The following PRKAG2 variants were observed in gnomAD, a reference collection of about 807,000 sequenced individuals.
PRKAG2 encodes 5'-AMP-activated protein kinase subunit gamma-2.
A neutral mutation model predicts 69.6 loss-of-function variants in PRKAG2; 26 were observed. That is an observed-to-expected ratio of 0.37 (90% CI 0.27 to 0.52). The LOEUF (loss-of-function observed/expected upper bound fraction) is 0.52. Among genes scored for constraint, PRKAG2 ranks in the 20% least tolerant of loss-of-function variants. The pLI, the probability that PRKAG2 is intolerant of heterozygous loss-of-function variation, is 0.90. For missense variants in PRKAG2, 557 were observed against 740.0 expected, an observed-to-expected ratio of 0.75 and a Z score of 2.87; for synonymous variants, 293 against 285.0, an observed-to-expected ratio of 1.03 and a Z score of -0.28.
At chr7:151,871,226 T>C (rs568482561) in intron 1 of PRKAG2, among the ~76,000 whole-genome samples, 2 of 152,368 alleles carry the variant, frequency 1.3e-5, no homozygotes, top group East Asian at 1.9e-4. Context: ...AAGAGCACGC[T>C]TGCTACCAAA....
intron 5 of PRKAG2, among the ~76,000 whole-genome samples, chr7:151,612,539 C>T (rs144026203): frequency 9.5e-4 from 144 of 152,306 alleles, no homozygotes; most frequent in Middle Eastern, 3.4e-3. Flanking sequence ...GGGGAACCCC[C>T]TGCTTCCACC....
intron 1 of PRKAG2, among the ~76,000 whole-genome samples, chr7:151,818,987 C>T (rs1455529806): frequency 6.6e-6 from 1 of 152,248 alleles, no homozygotes; most frequent in Non-Finnish European, 1.5e-5. Flanking sequence ...GAGGGCTGCT[C>T]TGCGCCGTGA....
intron 1 of PRKAG2, among the ~76,000 whole-genome samples, chr7:151,873,992 T>C (rs1471307684): frequency 6.7e-6 from 1 of 148,858 alleles, no homozygotes; most frequent in African/African-American, 2.6e-5. Flanking sequence ...TATGTATATG[T>C]ATATGATGTA....
At chr7:151,745,914 C>T (rs1231632801) in intron 3 of PRKAG2, among the ~76,000 whole-genome samples, 1 of 152,176 alleles carries the variant, frequency 6.6e-6, no homozygotes, top group African/African-American at 2.4e-5. Flanking sequence ...AGGCCAAGAG[C>T]TCTGAGGGCT....
intron 3 of PRKAG2, among the ~76,000 whole-genome samples, chr7:151,774,279 A>G (rs898118376): frequency 3.2e-4 from 48 of 152,278 alleles, no homozygotes; most frequent in African/African-American, 1.0e-3. Context: ...AGATCCTTCC[A>G]GAAGAAAGGT....
chr7:151,855,290 C>CCA lies in PRKAG2; in HGVS notation c.114+21215_114+21216dup, dbSNP rs759155539. On this transcript the variant is annotated intron_variant, in intron 1 of 15. Coordinates refer to ENST00000287878, the MANE Select transcript of PRKAG2 (RefSeq NM_016203.4). ...CACCACCCTCCACACACACCACCCT[C>CCA]CACACACCACCCTCCACACACACCA... Among the ~76,000 whole-genome samples, 146 of 76,170 alleles carry CCA rather than the reference C, an allele frequency of 1.9e-3. 5 individuals are homozygous for CCA. Among genetic ancestry groups the CCA allele is most frequent in the Non-Finnish European group, 2.5e-3 (96 of 37,704 alleles). The allele number at this position is 76,170 out of a possible 152,430, so 50.0% of individuals were successfully genotyped here.
intron 5 of PRKAG2, among the ~76,000 whole-genome samples, chr7:151,629,901 C>T (rs1188244589): frequency 6.6e-6 from 1 of 151,984 alleles, no homozygotes; most frequent in Non-Finnish European, 1.5e-5. Flanking sequence ...TTTGTCCCTG[C>T]TAAATAAGTG....
intron 1 of PRKAG2, among the ~76,000 whole-genome samples, chr7:151,822,956 G>A (rs75064047): frequency 0.069 from 10,502 of 152,168 alleles, 633 homozygotes; most frequent in East Asian, 0.24. Context: ...CTGAGTGGCC[G>A]CCAAGCCCGG....
intron 3 of PRKAG2, among the ~76,000 whole-genome samples, chr7:151,722,680 G>A (rs994174943): frequency 1.6e-4 from 25 of 152,086 alleles, no homozygotes; most frequent in African/African-American, 5.6e-4. Context: ...TGCGAGGTTC[G>A]TGTGCAAGGG....
chr7:151,731,242 C>T (rs540526912), intron 3 of PRKAG2, among the ~76,000 whole-genome samples: 22 of 152,330 alleles, frequency 1.4e-4, no homozygotes, highest in African/African-American at 4.8e-4. Context: ...TAGCCAAGCT[C>T]GTCACTTGTC....
intron 1 of PRKAG2, among the ~76,000 whole-genome samples, chr7:151,793,728 C>T (rs572701727): frequency 2.6e-4 from 39 of 152,344 alleles, no homozygotes; most frequent in African/African-American, 4.8e-4. Flanking sequence ...CTGGACAGGC[C>T]GGCCTTGCGC....
At chr7:151,755,839 C>T (rs531389143) in intron 3 of PRKAG2, among the ~76,000 whole-genome samples, 14 of 152,350 alleles carry the variant, frequency 9.2e-5, no homozygotes, top group South Asian at 4.1e-4. Flanking sequence ...CGGCCCCTCA[C>T]GAGCCTTCCC....
intron 1 of PRKAG2, among the ~76,000 whole-genome samples, chr7:151,804,936 G>A (rs945586071): frequency 3.9e-5 from 6 of 152,164 alleles, no homozygotes; most frequent in African/African-American, 7.2e-5. Flanking sequence ...GTTCCTCGCC[G>A]TGGCTCACTG....
At chr7:151,849,615 C>T (rs775268187) in intron 1 of PRKAG2, among the ~76,000 whole-genome samples, 3 of 152,144 alleles carry the variant, frequency 2.0e-5, no homozygotes, top group Non-Finnish European at 4.4e-5. Context: ...AGGGCCGCGC[C>T]CTCTCTGAAG....
chr7:151,657,929 G>T (rs534603145), intron 4 of PRKAG2, among the ~76,000 whole-genome samples: 2 of 152,046 alleles, frequency 1.3e-5, no homozygotes, highest in East Asian at 3.9e-4. Flanking sequence ...AGGCCAAGGC[G>T]GGTGGATCAC....
chr7:151,587,327 T>A (rs1312999766), intron 6 of PRKAG2, among the ~76,000 whole-genome samples: 1 of 152,140 alleles, frequency 6.6e-6, no homozygotes, highest in African/African-American at 2.4e-5. Flanking sequence ...AACAAACAGA[T>A]GGAGAAGGGA....
intron 5 of PRKAG2, 176 bp downstream of exon 5, chr7:151,631,893 G>A (rs1316797859): frequency 3.6e-6 from 2 of 558,144 alleles, no homozygotes; most frequent in East Asian, 1.5e-4. Flanking sequence ...CCCGCAGCCC[G>A]AGCTCGCCGG....
rs1834719938 is a variant in PRKAG2 at position 151,686,243 on chromosome 7, C to T, written c.467-10606G>A. On this transcript the variant is annotated intron_variant, in intron 3 of 15. Coordinates refer to ENST00000287878, the MANE Select transcript of PRKAG2 (RefSeq NM_016203.4). ...GGGATGTGAGCTGTGTGACGTTCCCCAGGTGACGCGGGTGGTTGGACATGT... is the reference window on the plus strand; with the variant it reads ...GGGATGTGAGCTGTGTGACGTTCCCTAGGTGACGCGGGTGGTTGGACATGT... 2.0e-5 allele frequency among the ~76,000 whole-genome samples: 3 copies of T among 152,340 alleles called. No homozygotes were observed. The South Asian group carries it at 6.2e-4, about 32-fold the overall frequency.
chr7:151,848,056 T>C (rs951833606), intron 1 of PRKAG2, among the ~76,000 whole-genome samples: 9 of 152,202 alleles, frequency 5.9e-5, no homozygotes, highest in Admixed American at 5.9e-4. Flanking sequence ...CCCTCCCTCC[T>C]GCACTGTGAA....
Sources: allele counts gnomAD v4.1 joint callset (sites outside exome capture counted in the v4.1 genomes callset), GRCh38; gene constraint gnomAD v4.1.1; transcripts MANE v1.5; gene names NCBI Gene and HGNC (gene_info 2026-07-23, HGNC 2026-07-21).